Variants in KLHL29 observed in about 807,000 individuals in gnomAD.
KLHL29 encodes the protein kelch-like protein 29.
A neutral mutation model predicts 80.4 loss-of-function variants in KLHL29; 21 were observed. That is an observed-to-expected ratio of 0.26 (90% CI 0.19 to 0.38). The LOEUF (loss-of-function observed/expected upper bound fraction) is 0.38. Ranked by LOEUF, KLHL29 falls within the 10% of genes least tolerant of loss-of-function variation. The pLI is 1.00. For missense variants in KLHL29, 867 were observed against 1,223.9 expected, an observed-to-expected ratio of 0.71 and a Z score of 4.35; for synonymous variants, 511 against 526.8, an observed-to-expected ratio of 0.97 and a Z score of 0.41.
At chr2:23,458,690 A>C (rs182807421) in intron 1 of KLHL29, among the ~76,000 whole-genome samples, 101 of 152,330 alleles carry the variant, frequency 6.6e-4, no homozygotes, top group African/African-American at 2.3e-3. Context: ...ATCAGCATGA[A>C]CCAGGTGAAG....
intron 3 of KLHL29, among the ~76,000 whole-genome samples, chr2:23,618,146 C>T (rs1019795984): frequency 2.0e-5 from 3 of 152,148 alleles, no homozygotes; most frequent in African/African-American, 7.2e-5. Flanking sequence ...TTCTCCAGCC[C>T]TGCTTAGTAT....
intron 1 of KLHL29, among the ~76,000 whole-genome samples, chr2:23,398,758 G>C (rs879850432): frequency 3.3e-5 from 5 of 152,198 alleles, no homozygotes; most frequent in African/African-American, 1.2e-4. Flanking sequence ...GAACGGATTT[G>C]GTTATAAGGG....
chr2:23,599,550 T>A (rs986976406), intron 3 of KLHL29, among the ~76,000 whole-genome samples: 1 of 151,262 alleles, frequency 6.6e-6, no homozygotes, highest in Non-Finnish European at 1.5e-5. Flanking sequence ...TATTTAATAA[T>A]TTATCCTTAT....
intron 3 of KLHL29, among the ~76,000 whole-genome samples, chr2:23,627,311 G>A (rs757525234): frequency 2.0e-5 from 3 of 152,172 alleles, no homozygotes; most frequent in South Asian, 2.1e-4. Flanking sequence ...AGAACACCAC[G>A]CCCTCAGGAT....
chr2:23,493,108 C>G (rs1015912278), intron 2 of KLHL29, among the ~76,000 whole-genome samples: 11 of 152,232 alleles, frequency 7.2e-5, no homozygotes, highest in African/African-American at 2.7e-4. Flanking sequence ...TGCCCTGCCT[C>G]CCGCACAGGA....
intron 3 of KLHL29, among the ~76,000 whole-genome samples, chr2:23,591,769 T>C (rs1668268257): frequency 6.6e-6 from 1 of 152,084 alleles, no homozygotes; most frequent in Admixed American, 6.5e-5. Flanking sequence ...ACAATCAAGA[T>C]AGAACTCGCC....
chr2:23,543,161 T>G (rs573899374), intron 2 of KLHL29, among the ~76,000 whole-genome samples: 2 of 152,202 alleles, frequency 1.3e-5, no homozygotes, highest in South Asian at 4.2e-4. Flanking sequence ...GAAAGAGAGA[T>G]GAAGAAGACA....
At chr2:23,478,482 G>C (rs1415416331) in intron 2 of KLHL29, among the ~76,000 whole-genome samples, 1 of 152,178 alleles carries the variant, frequency 6.6e-6, no homozygotes, top group African/African-American at 2.4e-5. Context: ...TGTGTGGAGG[G>C]CTGCGCTCTG....
intron 3 of KLHL29, among the ~76,000 whole-genome samples, chr2:23,611,692 G>A (rs556406047): frequency 1.3e-5 from 2 of 152,250 alleles, no homozygotes; most frequent in South Asian, 4.1e-4. Flanking sequence ...ACCCATAGGG[G>A]TTCCAGATAT....
chr2:23,413,447 A>T (rs759090203), intron 1 of KLHL29, among the ~76,000 whole-genome samples: 52 of 152,278 alleles, frequency 3.4e-4, no homozygotes, highest in Middle Eastern at 6.8e-3. Context: ...GTTTCATAAT[A>T]TCATCCTTTC....
chr2:23,411,379 T>TGTG (rs1553319829), intron 1 of KLHL29, among the ~76,000 whole-genome samples: 7 of 109,026 alleles, frequency 6.4e-5, no homozygotes, highest in South Asian at 8.3e-4. Context: ...GTTGCAAAAA[T>TGTG]TGTGTGTGTG....
chr2:23,661,101 G>A (rs1022307004), intron 5 of KLHL29, among the ~76,000 whole-genome samples: 1 of 152,208 alleles, frequency 6.6e-6, no homozygotes, highest in African/African-American at 2.4e-5. Flanking sequence ...AGCACTTTGG[G>A]AGGCTGAGGT....
intron 2 of KLHL29, among the ~76,000 whole-genome samples, chr2:23,516,397 C>T (rs752648696): frequency 2.0e-5 from 3 of 152,124 alleles, no homozygotes; most frequent in Admixed American, 6.5e-5. Context: ...AATACACACA[C>T]GCGCACACAC....
intron 3 of KLHL29, among the ~76,000 whole-genome samples, chr2:23,574,983 G>T (rs192596368): frequency 2.0e-5 from 3 of 152,142 alleles, no homozygotes; most frequent in Non-Finnish European, 2.9e-5. Context: ...CCCAGGGAAG[G>T]TTCCTGGGAA....
intron 2 of KLHL29, among the ~76,000 whole-genome samples, chr2:23,515,223 T>C (rs1665886105): frequency 6.6e-6 from 1 of 152,164 alleles, no homozygotes; most frequent in Admixed American, 6.5e-5. Flanking sequence ...CTGAACAGCC[T>C]GTAAAGCCCC....
At chr2:23,399,863 C>A (rs1324102155) in intron 1 of KLHL29, among the ~76,000 whole-genome samples, 2 of 152,202 alleles carry the variant, frequency 1.3e-5, no homozygotes, top group African/African-American at 4.8e-5. Flanking sequence ...GCTCAGCCTG[C>A]CGTCTGCTGT....
At chr2:23,477,366 C>A (rs537150109) in intron 2 of KLHL29, among the ~76,000 whole-genome samples, 43 of 152,362 alleles carry the variant, frequency 2.8e-4, no homozygotes, top group African/African-American at 1.0e-3. Context: ...ATGGCTGTCC[C>A]CTGCCAGAAC....
intron 1 of KLHL29, among the ~76,000 whole-genome samples, chr2:23,449,986 C>A (rs997070220): frequency 6.6e-6 from 1 of 152,326 alleles, no homozygotes; most frequent in Admixed American, 6.5e-5. Context: ...GACTCAGGGA[C>A]ACAGCCATTA....
At chr2:23,499,593 C>G (rs571256229) in intron 2 of KLHL29, among the ~76,000 whole-genome samples, 11 of 152,272 alleles carry the variant, frequency 7.2e-5, no homozygotes, top group African/African-American at 2.4e-4. Context: ...GGCAATGAGG[C>G]TAAGGAGAAA....
Sources: allele counts gnomAD v4.1 joint callset (sites outside exome capture counted in the v4.1 genomes callset), GRCh38; gene constraint gnomAD v4.1.1; transcripts MANE v1.5; gene names NCBI Gene and HGNC (gene_info 2026-07-23, HGNC 2026-07-21).